The following NDOR1 variants were observed in gnomAD, a reference collection of about 807,000 sequenced individuals.
The protein encoded by NDOR1 is NADPH-dependent diflavin oxidoreductase 1.
In NDOR1, 61 loss-of-function variants were observed where a neutral mutation model predicts 67.2. The ratio of observed to expected loss-of-function variants is 0.91; its 90% CI spans 0.74 to 1.12. The LOEUF is 1.12. NDOR1 is among the 50% of genes most tolerant of loss of function. The pLI is 0.00. For synonymous variants in NDOR1, 378 were observed against 343.7 expected (o/e 1.10, Z -1.10); for missense variants, 878 against 802.8 (o/e 1.09, Z -1.13).
In NDOR1 at chr9:137,215,764, TC is replaced by T; in HGVS notation, c.1396del (p.Arg466GlufsTer43). On this transcript the variant is annotated frameshift_variant, in exon 11 of 14. Transcript: ENST00000684003. LOFTEE classifies it high-confidence loss of function. ...GGGCCTGGCACTGGGGTAGCCCCCT[TC>T]CGAGCAGCCATCCAGGAGCGTGTGG... is the stretch of plus-strand genomic sequence containing the variant. ...MVGPGTGVAP[F>X]RAAIQERVAQ... 1 of 1,599,274 alleles carries T rather than the reference TC, an allele frequency of 6.3e-7. No individual in the cohort carries two copies. The highest frequency in any genetic ancestry group is 8.5e-7 in the Non-Finnish European group (1 of 1,171,886).
intron 2 of NDOR1, among the ~76,000 whole-genome samples, chr9:137,210,761 C>G (rs184129160): frequency 6.6e-6 from 1 of 152,118 alleles, no homozygotes; most frequent in Non-Finnish European, 1.5e-5. Flanking sequence ...GTTGGAGGAT[C>G]GCTTGAGCCC....
rs770059679 is a variant in NDOR1, at chr9:137,206,183, C to T, written c.136-49C>T. The T allele has an allele frequency of 2.5e-6, 4 of 1,604,626 alleles. No individual in the cohort carries two copies. The South Asian group carries it at 3.3e-5, about 13-fold the overall frequency. On this transcript the variant is annotated intron_variant, in intron 1 of 13. Transcript: ENST00000684003. ...AGGGGGTCAAGTTTTGGGAAGGACG[C>T]CCGGTCCTTACAGCCGGAGGTCTTA...
At chr9:137,214,546 G>A in intron 6 of NDOR1, 24 bp from the exon 7 acceptor site, 4 of 1,610,764 alleles carry the variant, frequency 2.5e-6, no homozygotes, top group Non-Finnish European at 3.4e-6. Context: ...CGTCCCCACA[G>A]CCCTGGTGGC....
chr9:137,209,300 C>T (rs1835132441), intron 2 of NDOR1, among the ~76,000 whole-genome samples: 1 of 151,904 alleles, frequency 6.6e-6, no homozygotes, highest in Non-Finnish European at 1.5e-5. Flanking sequence ...GTCGAGGGGT[C>T]TCAGATAGAG....
chr9:137,216,612 C>T lies in NDOR1; in HGVS notation c.*196C>T, dbSNP rs958422355. On this transcript the variant is annotated 3_prime_UTR_variant, in exon 14 of 14. Coordinates refer to ENST00000684003, the MANE Select transcript of NDOR1 (RefSeq NM_014434.4). ...CCCTTTGAGCCTGACCCCACTGCAG[C>T]CTCTGCCCAGCCAGCCCTGCGCTCC... 2.9e-6 allele frequency: 2 copies of T among 693,030 alleles called. No individual in the cohort carries two copies. Among genetic ancestry groups the T allele is most frequent in the African/African-American group, 3.6e-5 (2 of 55,464 alleles). 42.9% of individuals were successfully genotyped at this position (693,030 alleles called of 1,614,324 possible). A position where few individuals can be genotyped will look rare whatever the true frequency, so the allele number is the denominator to read the frequency against.
chr9:137,210,302 C>T (rs1408240782), intron 2 of NDOR1, among the ~76,000 whole-genome samples: 5 of 152,174 alleles, frequency 3.3e-5, no homozygotes, highest in Admixed American at 2.0e-4. Context: ...CGGCTCACTG[C>T]CCCCTGACCT....
chr9:137,205,856 G>A lies in NDOR1; in HGVS notation c.79G>A (p.Glu27Lys). Residue 27 changes from glutamate to lysine, a missense_variant, in exon 1 of 14, where the codon GAG (glutamate) becomes AAG (lysine). Glu to Lys is a moderately conservative substitution (Grantham distance 56, BLOSUM62 1). Transcript: ENST00000684003. ...GGATGTGTCGGAGAGACTGGGTCGC[G>A]AGGCCCGGCGCCGGCGGCTTGGCTG... is the stretch of plus-strand genomic sequence containing the variant. ...AQDVSERLGR[E>K]ARRRRLGCRV... 6.2e-7 allele frequency: 1 copy of A among 1,602,290 alleles called. No individual in the cohort carries two copies.
chr9:137,205,901 T>C lies in NDOR1; in HGVS notation c.124T>C (p.Ser42Pro). The C allele has an allele frequency of 3.1e-6, 5 of 1,592,940 alleles. No individual in the cohort carries two copies. Among genetic ancestry groups the C allele is most frequent in the Non-Finnish European group, 4.3e-6 (5 of 1,175,404 alleles). ...RLGCRVQALD[S>P]YPVVNLINEP... ...TGGCTGCCGGGTGCAGGCCCTGGACTCCTACCCGGTGGTGAGGGCTCGCTA... is the reference window on the plus strand; with the variant it reads ...TGGCTGCCGGGTGCAGGCCCTGGACCCCTACCCGGTGGTGAGGGCTCGCTA... Residue 42 changes from serine (S) to proline (P), a missense_variant, in exon 1 of 14, where the codon TCC becomes CCC. Physicochemically the swap from Ser to Pro is moderately conservative, Grantham distance 74 (BLOSUM62 -1). Coordinates refer to ENST00000684003, the MANE Select transcript of NDOR1 (RefSeq NM_014434.4).
In NDOR1 at chr9:137,216,266, C is replaced by T. The variant is rs189616942; in HGVS notation, c.1650-6C>T. 7 of 1,613,190 alleles carry T rather than the reference C, an allele frequency of 4.3e-6. No homozygotes were observed. Among genetic ancestry groups the T allele is most frequent in the Non-Finnish European group, 4.2e-6 (5 of 1,179,988 alleles). On this transcript the variant is annotated splice_region_variant and splice_polypyrimidine_tract_variant and intron_variant, in intron 13 of 13. Transcript: ENST00000684003. ...TCATTGCGCCTTCTGCGACCTGCCC[C>T]TCTAGCAACGCCAAGTCCATGCCAG...
chr9:137,213,616 GC>G (rs1835366434), intron 3 of NDOR1, among the ~76,000 whole-genome samples, 163 bp from the exon 4 acceptor site: 1 of 152,082 alleles, frequency 6.6e-6, no homozygotes, highest in South Asian at 2.1e-4. Context: ...TGGAGGCCCT[GC>G]CCCCTCCTAG....
rs904364988 is a variant in NDOR1 at position 137,206,300 on chromosome 9, C to T, written c.204C>T (p.Asp68=). 1 of 1,613,988 alleles carries T rather than the reference C, an allele frequency of 6.2e-7. No individual in the cohort carries two copies. Among genetic ancestry groups the T allele is most frequent in the Admixed American group, 1.7e-5 (1 of 60,026 alleles). ...CTACAGGCCAAGGAGACCCCCCTGA[C>T]AACATGAAGGTAAGGCTGGCCTGAT... The part of the protein sequence containing the change: ...CATTGQGDPP[D]NMKNFWRFIF... Residue 68 remains aspartate, a synonymous_variant, in exon 2 of 14, where the codon GAC becomes GAT. Transcript: ENST00000684003.
intron 2 of NDOR1, among the ~76,000 whole-genome samples, chr9:137,209,047 T>G (rs1176797811): frequency 6.6e-6 from 1 of 151,770 alleles, no homozygotes; most frequent in Non-Finnish European, 1.5e-5. Context: ...GCCCAGCTAA[T>G]TTTTTGTATT....
At position 137,218,110 on chromosome 9, in the gene NDOR1, G is replaced by T. The variant is rs979265085; in HGVS notation, c.*1694G>T. On this transcript the variant is annotated 3_prime_UTR_variant, in exon 14 of 14. Coordinates refer to ENST00000684003, the MANE Select transcript of NDOR1 (RefSeq NM_014434.4). ...GCACAGAGCCCTACGGGCCCAGAGA[G>T]CGCCGCCTGGCCCTGCTGAACTGTA... The T allele has an allele frequency of 1.8e-5, 7 of 398,664 alleles. No individual in the cohort carries two copies. The South Asian group carries it at 7.6e-4, about 43-fold the overall frequency. The allele number at this position is 398,664 out of a possible 1,614,324, so 24.7% of individuals were successfully genotyped here.
At chr9:137,213,639 C>T (rs1055191338) in intron 3 of NDOR1, 141 bp from the exon 4 acceptor site, 13 of 826,996 alleles carry the variant, frequency 1.6e-5, no homozygotes, top group African/African-American at 7.0e-5. Context: ...GTGCGGCCAG[C>T]GTGGAGTGTG....
chr9:137,217,529 G>A lies in NDOR1; in HGVS notation c.*1113G>A, dbSNP rs764137760. On this transcript the variant is annotated 3_prime_UTR_variant, in exon 14 of 14. Transcript: ENST00000684003. ...CGCTGTCTTGGAGTCTTGATCTGTCGTCGGCGGGTCGCTGGCACAGGACTA... is the reference window on the plus strand; with the variant it reads ...CGCTGTCTTGGAGTCTTGATCTGTCATCGGCGGGTCGCTGGCACAGGACTA... 3 of 156,176 alleles carry A rather than the reference G, an allele frequency of 1.9e-5. No individual in the cohort carries two copies. The highest frequency in any genetic ancestry group is 2.8e-5 in the Non-Finnish European group (2 of 71,050). 9.7% of individuals were successfully genotyped at this position (156,176 alleles called of 1,614,324 possible).
chr9:137,215,253 C>G (rs1178937818), intron 9 of NDOR1, 51 bp downstream of exon 9: 1 of 1,579,722 alleles, frequency 6.3e-7, no homozygotes, highest in East Asian at 2.3e-5. Flanking sequence ...AAAGCTGGGA[C>G]CGGGGCTGTG....
rs377636198 is a variant in NDOR1, at chr9:137,216,457, T to C, written c.*41T>C. On this transcript the variant is annotated 3_prime_UTR_variant, in exon 14 of 14. Transcript: ENST00000684003. ...GTGCCCCCTCTGACAGCCATCCTCC[T>C]GGGAGCCCAGGAAGGCATCCACGAG... 1 of 1,575,796 alleles carries C rather than the reference T, an allele frequency of 6.3e-7. No homozygotes were observed. Among genetic ancestry groups the C allele is most frequent in the Non-Finnish European group, 8.6e-7 (1 of 1,164,256 alleles).
At position 137,212,654 on chromosome 9, in the gene NDOR1, A is replaced by G; in HGVS notation, c.311+55A>G. 3 of 1,515,016 alleles carry G rather than the reference A, an allele frequency of 2.0e-6. No homozygotes were observed. The highest frequency in any genetic ancestry group is 2.8e-6 in the Non-Finnish European group (3 of 1,090,794). 93.8% of individuals were successfully genotyped at this position (1,515,016 alleles called of 1,614,324 possible). On this transcript the variant is annotated intron_variant, in intron 3 of 13. Coordinates refer to ENST00000684003, the MANE Select transcript of NDOR1 (RefSeq NM_014434.4). The surrounding 1 kb of genome is among the most constrained non-coding windows in gnomAD (Gnocchi z 4.3). Reference sequence around the variant, plus strand: ...GGAACAGTTCTGGGGGTCGAGCAACAGGTGTGCTGGCAGAGGACCGAGACC... The same window carrying G: ...GGAACAGTTCTGGGGGTCGAGCAACGGGTGTGCTGGCAGAGGACCGAGACC...
chr9:137,207,504 G>T (rs1197891027), intron 2 of NDOR1, among the ~76,000 whole-genome samples: 1 of 152,086 alleles, frequency 6.6e-6, no homozygotes, highest in African/African-American at 2.4e-5. Context: ...AGGTGTTGAG[G>T]TAGCCACAAT....
Sources: allele counts gnomAD v4.1 joint callset (sites outside exome capture counted in the v4.1 genomes callset), GRCh38; gene constraint gnomAD v4.1.1; non-coding constraint Gnocchi (gnomAD v3.1); transcripts MANE v1.5; gene names NCBI Gene and HGNC (gene_info 2026-07-23, HGNC 2026-07-21).